The following TCEA1 variants were observed in gnomAD, a reference collection of about 807,000 sequenced individuals.
The protein encoded by TCEA1 is transcription elongation factor A protein 1.
Under a neutral mutation model 43.8 loss-of-function variants are expected in TCEA1, and 21 were observed. The ratio of observed to expected loss-of-function variants is 0.48; its 90% CI spans 0.34 to 0.69. TCEA1 has a LOEUF of 0.69. Ranked by LOEUF, TCEA1 falls within the 30% of genes least tolerant of loss-of-function variation. TCEA1 has a pLI of 0.01. For missense variants in TCEA1, 250 were observed against 365.1 expected (o/e 0.68, Z 2.57); for synonymous variants, 104 against 117.5 (o/e 0.88, Z 0.75).
chr8:54,016,039 G>C (rs1804813088), intron 1 of TCEA1, among the ~76,000 whole-genome samples: 1 of 152,194 alleles, frequency 6.6e-6, no homozygotes, highest in Non-Finnish European at 1.5e-5. Context: ...TGAAAATGAG[G>C]TGAAACTGGA....
At chr8:53,984,982 T>C (rs1214714389) in intron 6 of TCEA1, among the ~76,000 whole-genome samples, 2 of 152,192 alleles carry the variant, frequency 1.3e-5, no homozygotes, top group African/African-American at 4.8e-5. Flanking sequence ...CCTTGAGCTG[T>C]AATTGGCGAA....
Position 53,967,956 on chromosome 8 carries a change from A to T in TCEA1, c.*148T>A. On this transcript the variant is annotated 3_prime_UTR_variant, in exon 10 of 10. Coordinates refer to ENST00000521604, the MANE Select transcript of TCEA1 (RefSeq NM_006756.4). ...TGATCTGAAACTACAGAAGGCATTT[A>T]AGGAAGGGATGTTAGGTCAAAAACA... The T allele has an allele frequency of 1.8e-6, 1 of 561,852 alleles. No individual in the cohort carries two copies. Among genetic ancestry groups the T allele is most frequent in the South Asian group, 3.5e-5 (1 of 28,604 alleles). 34.8% of individuals were successfully genotyped at this position (561,852 alleles called of 1,614,324 possible). A position where few individuals can be genotyped will look rare whatever the true frequency, so the allele number is the denominator to read the frequency against.
chr8:53,983,825 G>A (rs1172652584), intron 7 of TCEA1, among the ~76,000 whole-genome samples: 1 of 152,212 alleles, frequency 6.6e-6, no homozygotes, highest in Non-Finnish European at 1.5e-5. Flanking sequence ...GTGGCCAGCC[G>A]TGGTGGCTCA....
At chr8:53,992,398 A>G (rs1000817166) in intron 4 of TCEA1, among the ~76,000 whole-genome samples, 2 of 151,532 alleles carry the variant, frequency 1.3e-5, no homozygotes, top group African/African-American at 4.9e-5. Context: ...GGATCACCTG[A>G]AATCAGGAGT....
chr8:54,002,041 C>T (rs1174613235), intron 2 of TCEA1, among the ~76,000 whole-genome samples: 4 of 151,458 alleles, frequency 2.6e-5, no homozygotes, highest in Admixed American at 1.3e-4. Context: ...TGGTGGCAAG[C>T]GCCTGTAGTC....
At chr8:54,007,330 C>G (rs1804500591) in intron 2 of TCEA1, among the ~76,000 whole-genome samples, 1 of 151,818 alleles carries the variant, frequency 6.6e-6, no homozygotes, top group Admixed American at 6.6e-5. Flanking sequence ...TTCATGCTCC[C>G]CAATTTGTGT....
At chr8:53,974,980 T>C (rs1803286632) in intron 8 of TCEA1, among the ~76,000 whole-genome samples, 1 of 152,128 alleles carries the variant, frequency 6.6e-6, no homozygotes, top group South Asian at 2.1e-4. Flanking sequence ...TAAATAGCTA[T>C]TAAAATAATT....
chr8:53,988,361 A>C, intron 4 of TCEA1, 102 bp from the exon 5 acceptor site: 1 of 1,368,002 alleles, frequency 7.3e-7, no homozygotes. Context: ...GTCTAAATAA[A>C]TGACACAGTA....
chr8:53,978,370 A>G (rs1803395364), intron 8 of TCEA1, among the ~76,000 whole-genome samples: 1 of 152,202 alleles, frequency 6.6e-6, no homozygotes, highest in African/African-American at 2.4e-5. Flanking sequence ...GTCTGAAAAT[A>G]TTAAATGAAA....
chr8:54,008,121 G>A (rs35045663), intron 2 of TCEA1, among the ~76,000 whole-genome samples: 21 of 136,384 alleles, frequency 1.5e-4, no homozygotes, highest in African/African-American at 5.0e-4. Flanking sequence ...GGCTGAGGTC[G>A]CACGTCGTAC....
chr8:53,972,680 T>A (rs1328540012), intron 8 of TCEA1: 3 of 632,204 alleles, frequency 4.7e-6, no homozygotes, highest in Non-Finnish European at 9.2e-6. Context: ...AGCTATTAAG[T>A]GTTCCTGAAG....
At chr8:53,972,787 C>T in intron 8 of TCEA1, 1 of 718,566 alleles carries the variant, frequency 1.4e-6, no homozygotes, top group Admixed American at 1.8e-5. Flanking sequence ...TGTGATTCTC[C>T]TGAAACAGCC....
At chr8:54,001,919 G>A (rs1411591662) in intron 2 of TCEA1, among the ~76,000 whole-genome samples, 2 of 151,790 alleles carry the variant, frequency 1.3e-5, no homozygotes, top group East Asian at 1.9e-4. Context: ...TGAGGCGGGC[G>A]GCTCACGAAG....
intron 7 of TCEA1, among the ~76,000 whole-genome samples, chr8:53,979,476 C>T (rs1031529088): frequency 2.0e-5 from 3 of 152,218 alleles, no homozygotes; most frequent in Non-Finnish European, 4.4e-5. Flanking sequence ...CATCTTGCTT[C>T]TAGTGTCACA....
chr8:54,002,858 T>C (rs1804315062), intron 2 of TCEA1: 6 of 455,390 alleles, frequency 1.3e-5, no homozygotes, highest in Admixed American at 7.1e-5. Context: ...ATGATTTCTA[T>C]AGAACATCAG....
chr8:54,018,512 T>C (rs1027101442), intron 1 of TCEA1, among the ~76,000 whole-genome samples: 1 of 152,228 alleles, frequency 6.6e-6, no homozygotes, highest in African/African-American at 2.4e-5. Flanking sequence ...ATTTTAGTGA[T>C]GACAAAGAAC....
intron 1 of TCEA1, among the ~76,000 whole-genome samples, chr8:54,020,958 TG>T (rs1805004036): frequency 6.6e-6 from 1 of 151,988 alleles, no homozygotes; most frequent in South Asian, 2.1e-4. Context: ...GAGGCTGAGG[TG>T]GGCGGATCAC....
intron 7 of TCEA1, 79 bp downstream of exon 7, chr8:53,984,284 G>A: frequency 7.8e-7 from 1 of 1,282,668 alleles, no homozygotes; most frequent in Non-Finnish European, 1.1e-6. Context: ...TATTTATATA[G>A]TAGTCTATGA....
At chr8:53,968,942 A>G (rs188688454) in intron 9 of TCEA1, among the ~76,000 whole-genome samples, 1 of 152,266 alleles carries the variant, frequency 6.6e-6, no homozygotes, top group East Asian at 1.9e-4. Flanking sequence ...CAAACCATGA[A>G]GACACTTTCA....
Sources: gnomAD v4.1 joint callset for allele counts (sites outside exome capture counted in the v4.1 genomes callset) on GRCh38, gnomAD v4.1.1 for gene constraint, MANE v1.5 for transcripts, NCBI Gene and HGNC (gene_info 2026-07-23, HGNC 2026-07-21) for gene names.